TENM4: variants seen among roughly 807,000 people sequenced by gnomAD.
TENM4 encodes teneurin-4.
TENM4 carries 82 observed loss-of-function variants against 243.3 expected under a neutral mutation model. That is an observed-to-expected ratio of 0.34 (90% CI 0.28 to 0.40). The LOEUF (loss-of-function observed/expected upper bound fraction) is 0.40, where lower values mean the gene tolerates loss of function less well. Ranked by LOEUF, TENM4 falls within the 10% of genes least tolerant of loss-of-function variation. The probability of loss-of-function intolerance (pLI) is 1.00; values close to 1 mark genes in which losing one functional copy is unlikely to be tolerated. For missense variants in TENM4, 3,138 were observed against 3,673.3 expected (o/e 0.85, Z 3.77); for synonymous variants, 1,412 against 1,456.3 (o/e 0.97, Z 0.69).
At chr11:79,317,301 T>G (rs1856818649) in intron 1 of TENM4, among the ~76,000 whole-genome samples, 1 of 152,188 alleles carries the variant, frequency 6.6e-6, no homozygotes, top group African/African-American at 2.4e-5. Context: ...TCCTCCATAA[T>G]GAGCCATGAA....
At chr11:79,230,888 A>G (rs1864360967) in intron 2 of TENM4, among the ~76,000 whole-genome samples, 1 of 152,168 alleles carries the variant, frequency 6.6e-6, no homozygotes, top group Non-Finnish European at 1.5e-5. Flanking sequence ...TTTATGGTAC[A>G]ATAGCTTTGT....
intron 6 of TENM4, among the ~76,000 whole-genome samples, chr11:79,063,689 CAG>C (rs1362328810): frequency 6.6e-6 from 1 of 152,206 alleles, no homozygotes. Flanking sequence ...ACGTTCGACT[CAG>C]AGCCCCTCAG....
chr11:79,115,453 T>C (rs1861599294), intron 4 of TENM4, among the ~76,000 whole-genome samples: 1 of 152,264 alleles, frequency 6.6e-6, no homozygotes, highest in Non-Finnish European at 1.5e-5. Flanking sequence ...AGCTCAGGTC[T>C]TCATTTCCCC....
At chr11:79,074,063 A>G (rs1359706121) in intron 4 of TENM4, among the ~76,000 whole-genome samples, 1 of 152,246 alleles carries the variant, frequency 6.6e-6, no homozygotes, top group Non-Finnish European at 1.5e-5. Flanking sequence ...ACAAATTATT[A>G]AGAACATACA....
chr11:78,931,067 C>T (rs1190116896), intron 6 of TENM4, among the ~76,000 whole-genome samples: 1 of 152,138 alleles, frequency 6.6e-6, no homozygotes, highest in African/African-American at 2.4e-5. Context: ...TGTTGATGGC[C>T]GCCAGCAACT....
At chr11:78,797,337 G>A (rs1220852436) in intron 15 of TENM4, among the ~76,000 whole-genome samples, 1 of 152,182 alleles carries the variant, frequency 6.6e-6, no homozygotes, top group Non-Finnish European at 1.5e-5. Flanking sequence ...TCCATTGAAA[G>A]AACAGTTTTT....
At chr11:79,361,564 C>G (rs1208722084) in intron 1 of TENM4, among the ~76,000 whole-genome samples, 1 of 152,140 alleles carries the variant, frequency 6.6e-6, no homozygotes, top group Non-Finnish European at 1.5e-5. Context: ...AGTCCCTGTC[C>G]TTATCCACAC....
chr11:79,326,600 C>A (rs1393706743), intron 1 of TENM4, among the ~76,000 whole-genome samples: 4 of 152,182 alleles, frequency 2.6e-5, no homozygotes, highest in Non-Finnish European at 5.9e-5. Context: ...TGCTCACCAC[C>A]AGATTCAGGT....
intron 15 of TENM4, among the ~76,000 whole-genome samples, chr11:78,803,373 T>C (rs1317131314): frequency 1.3e-5 from 2 of 152,200 alleles, no homozygotes; most frequent in Non-Finnish European, 2.9e-5. Flanking sequence ...AGAAGGTAGG[T>C]ACTATCATTA....
intron 3 of TENM4, among the ~76,000 whole-genome samples, chr11:79,174,894 C>T (rs182699696): frequency 6.6e-6 from 1 of 152,306 alleles, no homozygotes; most frequent in African/African-American, 2.4e-5. Context: ...GTCCTTAATC[C>T]TGCTCATACT....
rs1424230452 is a variant in TENM4, at chr11:78,732,398, G to A, written c.3056C>T (p.Pro1019Leu). The change falls in exon 21 of 34, where the codon CCC becomes CTC. Residue 1019 changes from proline (P) to leucine (L), a missense_variant. Pro to Leu is a moderately conservative substitution (Grantham distance 98). Coordinates refer to ENST00000278550, the MANE Select transcript of TENM4 (RefSeq NM_001098816.3). ...TGGGGATGGAGAGACGACTGGGTTG[G>A]GGCGGGCAAAATTGCTCAGGTCACA... ...PSCDLSNFAR[P>L]NPVVSPSPLT... 13 of 1,613,836 alleles carry A rather than the reference G, an allele frequency of 8.1e-6. No homozygotes were observed. The highest frequency in any genetic ancestry group is 2.7e-5 in the African/African-American group (2 of 74,896).
chr11:78,830,097 T>C (rs1857944179), intron 12 of TENM4, among the ~76,000 whole-genome samples: 1 of 152,228 alleles, frequency 6.6e-6, no homozygotes, highest in Non-Finnish European at 1.5e-5. Flanking sequence ...CTCTCTTCCT[T>C]TTGGCTCATA....
intron 4 of TENM4, 65 bp downstream of exon 4, chr11:79,148,645 A>G (rs1351125875): frequency 2.4e-6 from 1 of 413,358 alleles, no homozygotes. Context: ...GGTAGAGAAA[A>G]AAAGAACCCA....
intron 6 of TENM4, among the ~76,000 whole-genome samples, chr11:78,904,082 C>T (rs1856005705): frequency 6.6e-6 from 1 of 151,940 alleles, no homozygotes. Context: ...AAAACGTGGC[C>T]GGTCGCGGTG....
At chr11:78,732,640 AAG>A (rs1457111142) in intron 20 of TENM4, 63 bp from the exon 21 acceptor site, 3 of 1,501,766 alleles carry the variant, frequency 2.0e-6, no homozygotes, top group Non-Finnish European at 2.7e-6. Flanking sequence ...CAGGATGAGA[AAG>A]AGAGAGACAA....
In TENM4 at chr11:78,657,962, C is replaced by T. The variant is rs750211668; in HGVS notation, c.*96G>A. 6.3e-7 allele frequency: 1 copy of T among 1,578,374 alleles called. No individual in the cohort carries two copies. Among genetic ancestry groups the T allele is most frequent in the Non-Finnish European group, 8.7e-7 (1 of 1,150,536 alleles). On this transcript the variant is annotated 3_prime_UTR_variant, in exon 34 of 34. Transcript: ENST00000278550. Reference sequence around the variant, plus strand: ...CAACCAGTATCTTTTTGTTTCTGCACTTGTTAAAAAATCATTTTTTTAAAA... The same window carrying T: ...CAACCAGTATCTTTTTGTTTCTGCATTTGTTAAAAAATCATTTTTTTAAAA...
At position 78,722,747 on chromosome 11, in the gene TENM4, C is replaced by T. The variant is rs375133114; in HGVS notation, c.3721G>A (p.Gly1241Arg). The change falls in exon 24 of 34, where the codon GGG becomes AGG. Residue 1241 changes from glycine to arginine, a missense_variant. Gly to Arg is a moderately radical substitution (Grantham distance 125, BLOSUM62 -2). This residue lies in a region of TENM4 where 2,467 missense variants were observed against 3,059.1 expected (regional missense o/e 0.81). Transcript: ENST00000278550. ...APVALTCGSDGSLYVGDFNYI... is the reference protein window; with the variant it reads ...APVALTCGSDRSLYVGDFNYI... ...TTGAAATCACCCACATAGAGGCTCC[C>T]GTCAGAGCCACAGGTGAGGGCCACT... The T allele has an allele frequency of 1.3e-5, 21 of 1,614,042 alleles. No individual in the cohort carries two copies. Among genetic ancestry groups the T allele is most frequent in the Admixed American group, 3.3e-5 (2 of 60,032 alleles).
chr11:78,918,399 T>C (rs1414312009), intron 6 of TENM4, among the ~76,000 whole-genome samples: 1 of 152,044 alleles, frequency 6.6e-6, no homozygotes, highest in Non-Finnish European at 1.5e-5. Flanking sequence ...TTAATTCTTT[T>C]CTCTCAGCTG....
intron 6 of TENM4, among the ~76,000 whole-genome samples, chr11:78,960,048 CA>C (rs1201418210): frequency 6.6e-6 from 1 of 152,066 alleles, no homozygotes; most frequent in Admixed American, 6.5e-5. Flanking sequence ...ATTGCTCCAT[CA>C]CTGGCAAAAT....
Sources: allele counts gnomAD v4.1 joint callset (sites outside exome capture counted in the v4.1 genomes callset), GRCh38; gene constraint gnomAD v4.1.1; regional missense constraint gnomAD v4.1.1; transcripts MANE v1.5; gene names NCBI Gene and HGNC (gene_info 2026-07-23, HGNC 2026-07-21).